ZNF444: variants seen among roughly 807,000 people sequenced by gnomAD.
ZNF444 encodes the protein zinc finger protein 444, also known as endothelial zinc finger protein 2.
Under a neutral mutation model 14.4 loss-of-function variants are expected in ZNF444, and 8 were observed. That is an observed-to-expected ratio of 0.56 (90% CI 0.33 to 1.00). ZNF444 has a LOEUF of 1.00. Ranked by LOEUF, ZNF444 falls within the 50% of genes least tolerant of loss-of-function variation. ZNF444 has a pLI of 0.03. For synonymous variants in ZNF444, 258 were observed against 235.9 expected (o/e 1.09, Z -0.86); for missense variants, 510 against 504.8 (o/e 1.01, Z -0.10).
At position 56,146,875 on chromosome 19, in the gene ZNF444, G is replaced by A; in HGVS notation, c.-22-15G>A. 2 of 1,371,736 alleles carry A rather than the reference G, an allele frequency of 1.5e-6. No individual in the cohort carries two copies. Among genetic ancestry groups the A allele is most frequent in the Non-Finnish European group, 9.4e-7 (1 of 1,069,486 alleles). The allele number at this position is 1,371,736 out of a possible 1,614,324, so 85.0% of individuals were successfully genotyped here. On this transcript the variant is annotated splice_polypyrimidine_tract_variant and intron_variant, in intron 2 of 4. Coordinates refer to ENST00000337080, the MANE Select transcript of ZNF444 (RefSeq NM_018337.4). ...GTCTCGGCGGGCAGGGGTCTCACCGGCTTGTTCCCTGCAGGCGCTGCGGTC... is the reference window on the plus strand; with the variant it reads ...GTCTCGGCGGGCAGGGGTCTCACCGACTTGTTCCCTGCAGGCGCTGCGGTC...
rs2031046841 is a variant in ZNF444, at chr19:56,144,559, T to C, written c.-196-1688T>C. Among the ~76,000 whole-genome samples the C allele has an allele frequency of 6.6e-6, 1 of 151,930 alleles. No individual in the cohort carries two copies. The highest frequency in any genetic ancestry group is 1.5e-5 in the Non-Finnish European group (1 of 67,970). On this transcript the variant is annotated intron_variant, in intron 1 of 4. Transcript: ENST00000337080. This position sits in a 1 kb window ranked among gnomAD's most constrained non-coding sequence, Gnocchi z 4.0. The stretch of plus-strand genomic sequence containing the variant: ...GGTGGCGAGAGTAGGCATACACGGG[T>C]CTTGTGGCAGCCGTCCCAGCAATGA...
chr19:56,138,983 G>C (rs1025177632), upstream of ZNF444, among the ~76,000 whole-genome samples: 3 of 151,650 alleles, frequency 2.0e-5, no homozygotes, highest in Non-Finnish European at 4.4e-5. Flanking sequence ...TTTTAGTAGA[G>C]ACGGGGTTTC....
At chr19:56,146,601 C>A (rs1478254550) in intron 2 of ZNF444, among the ~76,000 whole-genome samples, 181 bp downstream of exon 2, 1 of 152,136 alleles carries the variant, frequency 6.6e-6, no homozygotes, top group Non-Finnish European at 1.5e-5. Context: ...ATCAGCCTGG[C>A]CAACATGGTG....
upstream of ZNF444, chr19:56,141,040 G>T (rs1451622459): frequency 1.3e-5 from 2 of 152,168 alleles, no homozygotes; most frequent in Non-Finnish European, 2.9e-5. Flanking sequence ...TGCAGACGAC[G>T]CTTTCGCGTA....
chr19:56,158,637 C>A, intron 4 of ZNF444, 35 bp downstream of exon 4: 1 of 1,536,796 alleles, frequency 6.5e-7, no homozygotes, highest in Non-Finnish European at 8.9e-7. Context: ...TCCCCGCCAG[C>A]CCCCAGCACC....
intron 3 of ZNF444, chr19:56,156,115 A>T (rs921838927): frequency 3.3e-5 from 5 of 152,238 alleles, no homozygotes; most frequent in Admixed American, 1.3e-4. Context: ...TTTAAAGGAT[A>T]CCAGTGAACA....
intron 1 of ZNF444, among the ~76,000 whole-genome samples, chr19:56,133,656 C>CA (rs1439813720): frequency 2.7e-5 from 4 of 148,638 alleles, no homozygotes; most frequent in African/African-American, 5.2e-5. Context: ...ACTAAAAATA[C>CA]AAAAAAATTA....
At position 56,146,781 on chromosome 19, in the gene ZNF444, C is replaced by T. The variant is rs1433912730; in HGVS notation, c.-22-109C>T. ...CAACCTGGGGGAAAGAGCGAAACTC[C>T]GTCTCAAAAAATAAAAAGTAAAAAA... On this transcript the variant is annotated intron_variant, in intron 2 of 4. Coordinates refer to ENST00000337080, the MANE Select transcript of ZNF444 (RefSeq NM_018337.4). 7.7e-6 allele frequency: 7 copies of T among 909,812 alleles called. No individual in the cohort carries two copies. The Admixed American group carries it at 1.7e-4, about 23-fold the overall frequency. The allele number at this position is 909,812 out of a possible 1,614,324, so 56.4% of individuals were successfully genotyped here. A position where few individuals can be genotyped will look rare whatever the true frequency, so the allele number is the denominator to read the frequency against.
Position 56,158,572 on chromosome 19 carries a change from G to A in ZNF444, c.376G>A (p.Gly126Arg). The change falls in exon 4 of 5, where the codon GGA (glycine) becomes AGA (arginine). Residue 126 changes from glycine to arginine, a missense_variant. By Grantham distance (125) the Gly-to-Arg change is moderately radical. Transcript: ENST00000337080. The part of the protein sequence containing the change: ...DVTQGPGATG[G>R]KEDSGMIPLA... ...GACGCAGGGCCCTGGGGCCACAGGT[G>A]GAAAGGAGGACAGTGGGATGATTCC... 1.2e-6 allele frequency: 2 copies of A among 1,611,738 alleles called. No homozygotes were observed. Among genetic ancestry groups the A allele is most frequent in the Non-Finnish European group, 1.7e-6 (2 of 1,178,862 alleles).
At chr19:56,148,537 G>A (rs573968952) in intron 3 of ZNF444, among the ~76,000 whole-genome samples, 1 of 152,222 alleles carries the variant, frequency 6.6e-6, no homozygotes, top group South Asian at 2.1e-4. Context: ...AAGGCTGCCA[G>A]TGGCCTCATC....
At chr19:56,136,850 T>C (rs972395951), upstream of ZNF444, among the ~76,000 whole-genome samples, 2 of 152,018 alleles carry the variant, frequency 1.3e-5, no homozygotes, top group Non-Finnish European at 1.5e-5. Flanking sequence ...GGCACGATCT[T>C]GGCTCACCGC....
intron 1 of ZNF444, among the ~76,000 whole-genome samples, chr19:56,135,743 G>A (rs2030595205): frequency 6.6e-6 from 1 of 151,532 alleles, no homozygotes; most frequent in African/African-American, 2.4e-5. Flanking sequence ...ACCAATTGCT[G>A]GCAAGGAGAA....
intron 1 of ZNF444, among the ~76,000 whole-genome samples, chr19:56,134,155 C>T (rs974403316): frequency 6.6e-6 from 1 of 152,162 alleles, no homozygotes; most frequent in Non-Finnish European, 1.5e-5. Flanking sequence ...CCCGAGCCTC[C>T]AGAGATGAAC....
Position 56,160,419 on chromosome 19 carries a change from C to CCCTT in ZNF444, c.*220_*223dup. On this transcript the variant is annotated 3_prime_UTR_variant, in exon 5 of 5. Coordinates refer to ENST00000337080, the MANE Select transcript of ZNF444 (RefSeq NM_018337.4). ...CTTCTCAGGTCTCACCTCAGCCCCC[C>CCCTT]CCTTCTCCCTGATTTCTCGGCCTCT... 2.1e-6 allele frequency: 1 copy of CCCTT among 482,598 alleles called. No homozygotes were observed. 29.9% of individuals were successfully genotyped at this position (482,598 alleles called of 1,614,324 possible).
rs2032181310 is a variant in ZNF444, at chr19:56,159,949, C to T, written c.732C>T (p.Pro244=). The change falls in exon 5 of 5, where the codon CCC becomes CCT. Residue 244 remains proline, a synonymous_variant. Coordinates refer to ENST00000337080, the MANE Select transcript of ZNF444 (RefSeq NM_018337.4). ...CCGGGCCCGCGCTGCGCCCTCTGCCCGCCCGTGAGAAGCCCCACGCGTGCT... is the reference window on the plus strand; with the variant it reads ...CCGGGCCCGCGCTGCGCCCTCTGCCTGCCCGTGAGAAGCCCCACGCGTGCT... ...GSPGPALRPL[P]AREKPHACCE... The T allele has an allele frequency of 2.7e-6, 4 of 1,503,700 alleles. No individual in the cohort carries two copies. Among genetic ancestry groups the T allele is most frequent in the East Asian group, 2.7e-5 (1 of 37,290 alleles). 93.1% of individuals were successfully genotyped at this position (1,503,700 alleles called of 1,614,324 possible).
At chr19:56,143,583 T>A (rs977491383) in intron 1 of ZNF444, 4 of 152,070 alleles carry the variant, frequency 2.6e-5, no homozygotes, top group African/African-American at 9.7e-5. Context: ...GTTAGCTGAG[T>A]GACTTTAGGT....
chr19:56,159,608 CTCTT>C lies in ZNF444; in HGVS notation c.407-10_407-7del, dbSNP rs755462689. On this transcript the variant is annotated splice_polypyrimidine_tract_variant and intron_variant, in intron 4 of 4. Coordinates refer to ENST00000337080, the MANE Select transcript of ZNF444 (RefSeq NM_018337.4). ...CCTCGTGCCGACCCAGATGCTGACTCTCTTTCTTTTCCCAGCAGGCACCGCCCCT... is the reference window on the plus strand; with the variant it reads ...CCTCGTGCCGACCCAGATGCTGACTCTCTTTTCCCAGCAGGCACCGCCCCT... 54 of 1,426,366 alleles carry C rather than the reference CTCTT, an allele frequency of 3.8e-5. No individual in the cohort carries two copies. Among genetic ancestry groups the C allele is most frequent in the South Asian group, 7.4e-5 (5 of 67,220 alleles). The allele number at this position is 1,426,366 out of a possible 1,614,324, so 88.4% of individuals were successfully genotyped here.
chr19:56,152,054 G>T (rs1439538648), intron 3 of ZNF444, among the ~76,000 whole-genome samples: 1 of 152,176 alleles, frequency 6.6e-6, no homozygotes, highest in East Asian at 1.9e-4. Flanking sequence ...ACTGTCGGCC[G>T]GGCATGGTGG....
At position 56,147,590 on chromosome 19, in the gene ZNF444, G is replaced by A. The variant is rs181740758; in HGVS notation, c.297+382G>A. Among the ~76,000 whole-genome samples, 3 of 152,124 alleles carry A rather than the reference G, an allele frequency of 2.0e-5. No homozygotes were observed. The highest frequency in any genetic ancestry group is 6.5e-5 in the Admixed American group (1 of 15,282). On this transcript the variant is annotated intron_variant, in intron 3 of 4. Transcript: ENST00000337080. The surrounding 1 kb of genome is among the most constrained non-coding windows in gnomAD (Gnocchi z 5.9). ...CCGCCCGCACGCAGGGGGTCTTGCC[G>A]GCCAGGAATTCTCCTCAGACCGTGG... is the stretch of plus-strand genomic sequence containing the variant.
Sources: gnomAD v4.1 joint callset for allele counts (sites outside exome capture counted in the v4.1 genomes callset) on GRCh38, gnomAD v4.1.1 for gene constraint, Gnocchi (gnomAD v3.1) non-coding constraint, MANE v1.5 for transcripts, NCBI Gene and HGNC (gene_info 2026-07-23, HGNC 2026-07-21) for gene names.